The following EEPD1 variants were observed in gnomAD, a reference collection of about 807,000 sequenced individuals.
EEPD1 encodes endonuclease/exonuclease/phosphatase family domain containing 1, also known as endonuclease/exonuclease/phosphatase family domain-containing protein 1.
A neutral mutation model predicts 46.3 loss-of-function variants in EEPD1; 17 were observed. That is an observed-to-expected ratio of 0.37 (90% CI 0.25 to 0.55). The LOEUF (loss-of-function observed/expected upper bound fraction) is 0.55. EEPD1 is among the 20% of genes least tolerant of loss of function. The pLI, the probability that EEPD1 is intolerant of heterozygous loss-of-function variation, is 0.83. For missense variants in EEPD1, 673 were observed against 745.6 expected (o/e 0.90, Z 1.13); for synonymous variants, 313 against 315.6 (o/e 0.99, Z 0.09).
chr7:36,217,698 G>A (rs1410150873), intron 2 of EEPD1, among the ~76,000 whole-genome samples: 1 of 152,148 alleles, frequency 6.6e-6, no homozygotes, highest in Non-Finnish European at 1.5e-5. Flanking sequence ...AATTGCTATT[G>A]TAAACAACTC....
intron 3 of EEPD1, among the ~76,000 whole-genome samples, chr7:36,258,192 T>C (rs753366745): frequency 3.9e-5 from 6 of 152,190 alleles, no homozygotes; most frequent in Admixed American, 6.5e-5. Flanking sequence ...TGTTCCTTCC[T>C]CTGGAAGCTT....
intron 6 of EEPD1, among the ~76,000 whole-genome samples, chr7:36,289,105 G>GTATGTATA (rs752004417): frequency 4.3e-4 from 66 of 152,260 alleles, no homozygotes; most frequent in Admixed American, 6.5e-4. Flanking sequence ...AAAGATGTAT[G>GTATGTATA]TATGTATATA....
chr7:36,233,316 G>A (rs1786370948), intron 2 of EEPD1, among the ~76,000 whole-genome samples: 1 of 152,240 alleles, frequency 6.6e-6, no homozygotes, highest in Non-Finnish European at 1.5e-5. Context: ...CAACAAGGGA[G>A]GATCCACCCA....
At chr7:36,280,545 C>G (rs1239174346) in intron 3 of EEPD1, among the ~76,000 whole-genome samples, 1 of 152,112 alleles carries the variant, frequency 6.6e-6, no homozygotes, top group Admixed American at 6.6e-5. Context: ...ACTTTACAGC[C>G]ATATTGGTGC....
intron 3 of EEPD1, among the ~76,000 whole-genome samples, chr7:36,272,580 T>G (rs1288679876): frequency 6.6e-6 from 1 of 151,734 alleles, no homozygotes; most frequent in Non-Finnish European, 1.5e-5. Flanking sequence ...TTGGTATCTT[T>G]GGGGCACATG....
intron 2 of EEPD1, among the ~76,000 whole-genome samples, chr7:36,188,256 C>A (rs911913573): frequency 2.0e-5 from 3 of 152,116 alleles, no homozygotes; most frequent in African/African-American, 7.2e-5. Flanking sequence ...TGTACTACAG[C>A]ATTTTTGAAG....
intron 2 of EEPD1, among the ~76,000 whole-genome samples, chr7:36,227,474 C>G (rs761379593): frequency 6.6e-6 from 1 of 152,194 alleles, no homozygotes; most frequent in Non-Finnish European, 1.5e-5. Context: ...CTCATCCCTC[C>G]TCCTGGGCGT....
At chr7:36,242,295 A>AAGAGAATC in intron 3 of EEPD1, among the ~76,000 whole-genome samples, 1 of 151,506 alleles carries the variant, frequency 6.6e-6, no homozygotes, top group Non-Finnish European at 1.5e-5. Context: ...CTCTTCCCCC[A>AAGAGAATC]CCCTGATTCT....
At chr7:36,164,940 T>G (rs1258245026) in intron 2 of EEPD1, among the ~76,000 whole-genome samples, 7 of 152,252 alleles carry the variant, frequency 4.6e-5, no homozygotes, top group African/African-American at 1.7e-4. Context: ...AGTTGTACTA[T>G]GAGTTTTAAG....
Position 36,281,168 on chromosome 7 carries a change from GC to G in EEPD1, c.988del (p.Arg330GlyfsTer35). ...TLPNIRKWKG[P>X]RGCWKAVVAE... ...TGCCCAACATCCGCAAGTGGAAGGG[GC>G]CCCGGGGATGCTGGAAGGCTGTTGT... On this transcript the variant is annotated frameshift_variant, in exon 4 of 8. Transcript: ENST00000242108. LOFTEE classifies it high-confidence loss of function. 6.2e-7 allele frequency: 1 copy of G among 1,614,174 alleles called. No individual in the cohort carries two copies. Among genetic ancestry groups the G allele is most frequent in the Non-Finnish European group, 8.5e-7 (1 of 1,180,038 alleles).
At chr7:36,195,936 A>G (rs745649465) in intron 2 of EEPD1, among the ~76,000 whole-genome samples, 18 of 152,186 alleles carry the variant, frequency 1.2e-4, no homozygotes, top group Non-Finnish European at 2.4e-4. Context: ...TCATTGTGCA[A>G]ACATCCTAGA....
intron 3 of EEPD1, among the ~76,000 whole-genome samples, chr7:36,279,118 C>A (rs1350445618): frequency 6.7e-6 from 1 of 149,498 alleles, no homozygotes; most frequent in Non-Finnish European, 1.5e-5. Flanking sequence ...ACCCCCTTCC[C>A]TGCCCCTGCT....
rs150609137 is a variant in EEPD1 at position 36,183,949 on chromosome 7, T to C, written c.878+28747T>C. Among the ~76,000 whole-genome samples, 161 of 152,136 alleles carry C rather than the reference T, an allele frequency of 1.1e-3. 1 individual carries two copies. The highest frequency in any genetic ancestry group is 3.8e-3 in the African/African-American group (157 of 41,524). On this transcript the variant is annotated intron_variant, in intron 2 of 7. Coordinates refer to ENST00000242108, the MANE Select transcript of EEPD1 (RefSeq NM_030636.3). ...TTTCTCACAAACAGCCGCAAATTCTTTGTGGAATGAATCTCAATATAAGCA... is the reference window on the plus strand; with the variant it reads ...TTTCTCACAAACAGCCGCAAATTCTCTGTGGAATGAATCTCAATATAAGCA...
At chr7:36,270,301 G>A (rs2115847724) in intron 3 of EEPD1, among the ~76,000 whole-genome samples, 1 of 152,106 alleles carries the variant, frequency 6.6e-6, no homozygotes, top group South Asian at 2.1e-4. Flanking sequence ...CAGGACATAA[G>A]CCTTTATTTA....
intron 3 of EEPD1, among the ~76,000 whole-genome samples, chr7:36,271,264 C>T (rs574677733): frequency 2.0e-5 from 3 of 152,240 alleles, no homozygotes; most frequent in East Asian, 1.9e-4. Context: ...TGAGCCACCA[C>T]GCCTGGCCTA....
In EEPD1 at chr7:36,225,951, G is replaced by T. The variant is rs1786226524; in HGVS notation, c.879-13034G>T. The stretch of plus-strand genomic sequence containing the variant: ...AAATTCATTTTAAAGACATGTCTTA[G>T]ATGCTCAAGAGTTAAAACAGAGCTC... On this transcript the variant is annotated intron_variant, in intron 2 of 7. Coordinates refer to ENST00000242108, the MANE Select transcript of EEPD1 (RefSeq NM_030636.3). This position sits in a 1 kb window ranked among gnomAD's most constrained non-coding sequence, Gnocchi z 4.2. Among the ~76,000 whole-genome samples the T allele has an allele frequency of 6.6e-6, 1 of 152,154 alleles. No homozygotes were observed. Among genetic ancestry groups the T allele is most frequent in the African/African-American group, 2.4e-5 (1 of 41,434 alleles).
Position 36,154,631 on chromosome 7 carries a change from A to G in EEPD1, c.307A>G (p.Lys103Glu). Reference protein sequence around the residue: ...QVKFEICVSSKGSSAQHSPSS... With the variant: ...QVKFEICVSSEGSSAQHSPSS... Reference sequence around the variant, plus strand: ...CAAGTTTGAGATCTGTGTGAGCAGCAAGGGCAGCTCAGCGCAGCACTCTCC... The same window carrying G: ...CAAGTTTGAGATCTGTGTGAGCAGCGAGGGCAGCTCAGCGCAGCACTCTCC... Residue 103 changes from lysine (K) to glutamate (E), a missense_variant, in exon 2 of 8, where the codon AAG becomes GAG. Lys to Glu is a moderately conservative substitution (Grantham distance 56, BLOSUM62 1). Coordinates refer to ENST00000242108, the MANE Select transcript of EEPD1 (RefSeq NM_030636.3). The surrounding 1 kb of genome is among the most constrained non-coding windows in gnomAD (Gnocchi z 4.2). 2 of 1,613,970 alleles carry G rather than the reference A, an allele frequency of 1.2e-6. No individual in the cohort carries two copies. Among genetic ancestry groups the G allele is most frequent in the Admixed American group, 1.7e-5 (1 of 60,022 alleles).
At position 36,299,461 on chromosome 7, in the gene EEPD1, C is replaced by A; in HGVS notation, c.*255C>A. On this transcript the variant is annotated 3_prime_UTR_variant, in exon 8 of 8. Transcript: ENST00000242108. The stretch of plus-strand genomic sequence containing the variant: ...GGAGACGCCTTTTATCTCTGGATGC[C>A]ACAGACCTGAGCAGCATTGGGCTGG... 1 of 542,390 alleles carries A rather than the reference C, an allele frequency of 1.8e-6. No homozygotes were observed. The highest frequency in any genetic ancestry group is 3.3e-6 in the Non-Finnish European group (1 of 302,646). 33.6% of individuals were successfully genotyped at this position (542,390 alleles called of 1,614,324 possible).
intron 4 of EEPD1, 62 bp from the exon 5 acceptor site, chr7:36,284,624 C>G: frequency 1.3e-6 from 2 of 1,567,800 alleles, no homozygotes; most frequent in South Asian, 1.2e-5. Flanking sequence ...GCCTCTCTGC[C>G]TCCTTTCCCC....
Sources: gnomAD v4.1 joint callset for allele counts (sites outside exome capture counted in the v4.1 genomes callset) on GRCh38, gnomAD v4.1.1 for gene constraint, Gnocchi (gnomAD v3.1) non-coding constraint, MANE v1.5 for transcripts, NCBI Gene and HGNC (gene_info 2026-07-23, HGNC 2026-07-21) for gene names.